The following ATG14 variants were observed in gnomAD, a reference collection of about 807,000 sequenced individuals.
The protein encoded by ATG14 is autophagy related 14, also known as beclin 1-associated autophagy-related key regulator.
Under a neutral mutation model 60.4 loss-of-function variants are expected in ATG14, and 35 were observed. The ratio of observed to expected loss-of-function variants is 0.58; its 90% CI spans 0.44 to 0.77. ATG14 has a LOEUF of 0.77. Ranked by LOEUF, ATG14 falls within the 30% of genes least tolerant of loss-of-function variation. The pLI, the probability that ATG14 is intolerant of heterozygous loss-of-function variation, is 0.00. For missense variants in ATG14, 647 were observed against 626.3 expected, an observed-to-expected ratio of 1.03 and a Z score of -0.35; for synonymous variants, 234 against 228.8, an observed-to-expected ratio of 1.02 and a Z score of -0.21.
intron 4 of ATG14, among the ~76,000 whole-genome samples, chr14:55,387,329 G>A (rs954332854): frequency 6.6e-6 from 1 of 152,162 alleles, no homozygotes; most frequent in Non-Finnish European, 1.5e-5. Context: ...CCACTTGAAC[G>A]TATGGATGGA....
intron 4 of ATG14, among the ~76,000 whole-genome samples, chr14:55,387,544 C>A (rs1215257203): frequency 6.6e-6 from 1 of 152,140 alleles, no homozygotes. Flanking sequence ...CCCACTGAAG[C>A]CTTGCTGTCT....
intron 3 of ATG14, among the ~76,000 whole-genome samples, chr14:55,393,183 C>T (rs913531562): frequency 2.0e-5 from 3 of 151,960 alleles, no homozygotes; most frequent in African/African-American, 2.4e-5. Context: ...AGATTGAGAC[C>T]ATCCTGGCTA....
intron 1 of ATG14, among the ~76,000 whole-genome samples, chr14:55,405,398 A>G (rs953266507): frequency 5.3e-5 from 8 of 152,240 alleles, no homozygotes; most frequent in African/African-American, 2.4e-5. Context: ...CAAAAGTATA[A>G]TCATATATTC....
intron 1 of ATG14, among the ~76,000 whole-genome samples, chr14:55,402,342 C>CA (rs1479075172): frequency 4.0e-5 from 6 of 151,652 alleles, no homozygotes; most frequent in Non-Finnish European, 8.8e-5. Flanking sequence ...TTAAGAAAGG[C>CA]AAAAAATAGA....
chr14:55,411,391 T>C (rs914007095), intron 1 of ATG14, among the ~76,000 whole-genome samples: 1 of 152,048 alleles, frequency 6.6e-6, no homozygotes, highest in African/African-American at 2.4e-5. Context: ...CTTGGGTGGG[T>C]GATGGGGAAA....
At chr14:55,390,645 ACAGG>A (rs1265091371) in intron 4 of ATG14, among the ~76,000 whole-genome samples, 4 of 152,240 alleles carry the variant, frequency 2.6e-5, no homozygotes, top group African/African-American at 9.6e-5. Flanking sequence ...TGCTGGGATT[ACAGG>A]CGTGAGCTAC....
chr14:55,377,671 C>T (rs1354594873), intron 9 of ATG14, 148 bp downstream of exon 9: 4 of 467,126 alleles, frequency 8.6e-6, no homozygotes, highest in East Asian at 6.6e-5. Flanking sequence ...AATATAATTA[C>T]CTTTGTTTCT....
intron 9 of ATG14, among the ~76,000 whole-genome samples, chr14:55,371,685 T>TC (rs1405246856): frequency 6.6e-6 from 1 of 152,040 alleles, no homozygotes; most frequent in Non-Finnish European, 1.5e-5. Context: ...GCACCTGTAG[T>TC]CCCGGCTACT....
chr14:55,401,844 A>G (rs1449477642), intron 1 of ATG14, among the ~76,000 whole-genome samples: 1 of 152,168 alleles, frequency 6.6e-6, no homozygotes, highest in Non-Finnish European at 1.5e-5. Flanking sequence ...CCTGAGGGTG[A>G]GCCAGAGTTG....
At chr14:55,381,722 T>C (rs1193371021) in intron 6 of ATG14, among the ~76,000 whole-genome samples, 4 of 152,056 alleles carry the variant, frequency 2.6e-5, no homozygotes, top group Non-Finnish European at 5.9e-5. Context: ...CAGAAAGCAA[T>C]GTGTGGTTGC....
intron 9 of ATG14, among the ~76,000 whole-genome samples, chr14:55,373,682 C>T (rs1390040233): frequency 6.6e-6 from 1 of 152,034 alleles, no homozygotes; most frequent in African/African-American, 2.4e-5. Flanking sequence ...TGGTCTCAAA[C>T]TCCTGAACTC....
chr14:55,385,027 G>A (rs774299068), intron 5 of ATG14, among the ~76,000 whole-genome samples: 11 of 152,178 alleles, frequency 7.2e-5, no homozygotes, highest in Non-Finnish European at 1.6e-4. Context: ...GCCTAAGACC[G>A]AAGTCACGGT....
chr14:55,390,133 C>T (rs915707959), intron 4 of ATG14, among the ~76,000 whole-genome samples: 16 of 152,274 alleles, frequency 1.1e-4, no homozygotes, highest in African/African-American at 3.4e-4. Context: ...TGCAATGGCA[C>T]GATCTCAGCT....
intron 6 of ATG14, among the ~76,000 whole-genome samples, chr14:55,381,134 C>T (rs1885026972): frequency 1.3e-5 from 2 of 152,074 alleles, no homozygotes; most frequent in South Asian, 4.1e-4. Context: ...TGTACAGCAT[C>T]TCGATCATTT....
At chr14:55,370,702 C>T (rs1027382104) in intron 9 of ATG14, among the ~76,000 whole-genome samples, 4 of 151,816 alleles carry the variant, frequency 2.6e-5, no homozygotes, top group African/African-American at 7.3e-5. Context: ...AGTGCAGTGG[C>T]GCCATCTTGG....
rs1360697568 is a variant in ATG14 at position 55,369,096 on chromosome 14, C to G, written c.*523G>C. ...CCCCTCCCAAACAAAATCAAAGGAC[C>G]AAATTAGAAATTTTAAATTGCCTGC... is the stretch of plus-strand genomic sequence containing the variant. On this transcript the variant is annotated 3_prime_UTR_variant, in exon 10 of 10. Coordinates refer to ENST00000247178, the MANE Select transcript of ATG14 (RefSeq NM_014924.5). The G allele has an allele frequency of 6.6e-6, 1 of 152,574 alleles. No homozygotes were observed. Among genetic ancestry groups the G allele is most frequent in the Non-Finnish European group, 1.5e-5 (1 of 68,048 alleles). The allele number at this position is 152,574 out of a possible 1,614,324, so 9.5% of individuals were successfully genotyped here.
intron 9 of ATG14, among the ~76,000 whole-genome samples, chr14:55,374,136 GCCTT>G (rs1340590564): frequency 1.3e-5 from 2 of 152,298 alleles, no homozygotes; most frequent in Non-Finnish European, 2.9e-5. Context: ...GATTCATCGA[GCCTT>G]CCTATTTTTG....
intron 1 of ATG14, among the ~76,000 whole-genome samples, chr14:55,407,160 C>T (rs1428780795): frequency 3.3e-5 from 5 of 152,146 alleles, no homozygotes; most frequent in Non-Finnish European, 5.9e-5. Flanking sequence ...GACAGAGTCT[C>T]GCTCTCTCGC....
At chr14:55,397,329 C>T in intron 2 of ATG14, 43 bp downstream of exon 2, 1 of 1,530,068 alleles carries the variant, frequency 6.5e-7, no homozygotes, top group African/African-American at 1.4e-5. Context: ...CAAATGTTGA[C>T]TAGATCACCT....
Sources: gnomAD v4.1 joint callset for allele counts (sites outside exome capture counted in the v4.1 genomes callset) on GRCh38, gnomAD v4.1.1 for gene constraint, MANE v1.5 for transcripts, NCBI Gene and HGNC (gene_info 2026-07-23, HGNC 2026-07-21) for gene names.